Variants in ZEB2 observed in about 807,000 individuals in gnomAD.
ZEB2 encodes zinc finger E-box binding homeobox 2, also known as zinc finger E-box-binding homeobox 2.
ZEB2 carries 6 observed loss-of-function variants against 99.9 expected under a neutral mutation model. The ratio of observed to expected loss-of-function variants is 0.06; its 90% CI spans 0.03 to 0.12. ZEB2 has a LOEUF of 0.12. Among genes scored for constraint, ZEB2 ranks in the 10% least tolerant of loss-of-function variants. ZEB2 has a pLI of 1.00. For missense variants in ZEB2, 969 were observed against 1,502.8 expected, an observed-to-expected ratio of 0.64 and a Z score of 5.87; for synonymous variants, 517 against 542.5, an observed-to-expected ratio of 0.95 and a Z score of 0.65.
In ZEB2 at chr2:144,429,786, G is replaced by A. The variant is rs730881207; in HGVS notation, c.314C>T (p.Ala105Val). 2.5e-6 allele frequency: 4 copies of A among 1,613,726 alleles called. No homozygotes were observed. The highest frequency in any genetic ancestry group is 3.4e-6 in the Non-Finnish European group (4 of 1,179,820). The change falls in exon 3 of 10, where the codon GCC becomes GTC. Residue 105 changes from alanine to valine, a missense_variant. By Grantham distance (64) the Ala-to-Val change is moderately conservative (BLOSUM62 0). Transcript: ENST00000627532. ...ACACTTACCTGGACCATCTACAGAG[G>A]CTTGTAGAATCTCGTTGTTGTGCCA... ...HPWHNNEILQ[A>V]SVDGPEEMKE...
chr2:144,435,026 C>G (rs1031032473), intron 2 of ZEB2, among the ~76,000 whole-genome samples: 2 of 152,170 alleles, frequency 1.3e-5, no homozygotes, highest in Non-Finnish European at 2.9e-5. Flanking sequence ...CATGGAAATG[C>G]AAGGTGATGT....
rs569322620 is a variant in ZEB2, at chr2:144,498,429, T to G, written c.73+18849A>C. 3.3e-5 allele frequency among the ~76,000 whole-genome samples: 5 copies of G among 151,752 alleles called. No homozygotes were observed. In the East Asian group the frequency reaches 9.7e-4, roughly 29 times the overall value. On this transcript the variant is annotated intron_variant, in intron 2 of 9. Transcript: ENST00000627532. ...GCCCCATGTGGTTGCGGATCTTATG[T>G]TCACAGGTCCTGAAGGAAATCCAGG...
rs949925765 is a variant in ZEB2, at chr2:144,486,808, G to A, written c.73+30470C>T. On this transcript the variant is annotated intron_variant, in intron 2 of 9. Transcript: ENST00000627532. ...CATGCAAAACACTGGGAAAAATCAA[G>A]ATTAACAAGCACAAAACTAAACAAA... Among the ~76,000 whole-genome samples the A allele has an allele frequency of 5.0e-4, 76 of 152,086 alleles. 1 individual carries two copies. The highest frequency in any genetic ancestry group is 2.1e-4 in the South Asian group (1 of 4,832).
At chr2:144,468,998 C>CA (rs1422706847) in intron 2 of ZEB2, among the ~76,000 whole-genome samples, 2 of 152,120 alleles carry the variant, frequency 1.3e-5, no homozygotes, top group Non-Finnish European at 2.9e-5. Flanking sequence ...TGAATACTCA[C>CA]AATGTGTCAC....
chr2:144,396,553 G>A lies in ZEB2; in HGVS notation c.2926C>T (p.Leu976=), dbSNP rs546416431. ...LDGAQDYMSG[L]DDMTDSDSCL... Reference sequence around the variant, plus strand: ...GAGTCGGAGTCTGTCATATCATCTAGGCCTGACATGTAGTCTTGTGCTCCA... The same window carrying A: ...GAGTCGGAGTCTGTCATATCATCTAAGCCTGACATGTAGTCTTGTGCTCCA... The change falls in exon 9 of 10, where the codon CTA becomes TTA. Residue 976 remains leucine, a synonymous_variant. Coordinates refer to ENST00000627532, the MANE Select transcript of ZEB2 (RefSeq NM_014795.4). 9.9e-6 allele frequency: 16 copies of A among 1,613,952 alleles called. No homozygotes were observed. The South Asian group carries it at 1.6e-4, about 17-fold the overall frequency.
chr2:144,409,033 T>TAAAGCAGACATACAGAGA (rs1389808973), intron 4 of ZEB2, among the ~76,000 whole-genome samples: 1 of 152,134 alleles, frequency 6.6e-6, no homozygotes, highest in East Asian at 1.9e-4. Context: ...GAAGAGAGAA[T>TAAAGCAGACATACAGAGA]AAAGCAGACA....
At chr2:144,512,394 T>C in intron 2 of ZEB2, 4 of 1,287,232 alleles carry the variant, frequency 3.1e-6, no homozygotes, top group Non-Finnish European at 4.0e-6. Flanking sequence ...ACGCCCTCCT[T>C]TCCTACCTTC....
chr2:144,440,481 AGCAGT>A, intron 2 of ZEB2, among the ~76,000 whole-genome samples: 1 of 129,598 alleles, frequency 7.7e-6, no homozygotes, highest in South Asian at 2.4e-4. Flanking sequence ...AGTACCCAAA[AGCAGT>A]ATATATATAT....
intron 2 of ZEB2, chr2:144,513,956 G>A: frequency 9.2e-6 from 13 of 1,410,066 alleles, no homozygotes; most frequent in South Asian, 2.9e-5. Flanking sequence ...TTGTCTGCGG[G>A]CAACTCGCTT....
chr2:144,510,720 C>CTCTCTT (rs1705022268), intron 2 of ZEB2, among the ~76,000 whole-genome samples: 1 of 150,594 alleles, frequency 6.6e-6, no homozygotes, highest in African/African-American at 2.5e-5. Flanking sequence ...CTCTCTCTTT[C>CTCTCTT]TCTCTCTCTT....
chr2:144,500,832 CAAT>C (rs1475661285), intron 2 of ZEB2, among the ~76,000 whole-genome samples: 1 of 152,094 alleles, frequency 6.6e-6, no homozygotes, highest in Non-Finnish European at 1.5e-5. Context: ...GGTAAAGAAA[CAAT>C]GATGAAAAAT....
intron 2 of ZEB2, among the ~76,000 whole-genome samples, chr2:144,493,397 T>C (rs558369217): frequency 6.6e-6 from 1 of 152,350 alleles, no homozygotes; most frequent in South Asian, 2.1e-4. Flanking sequence ...CTCCCCATTT[T>C]TAAGCATTAA....
chr2:144,393,638 TACATC>T (rs1703182357), intron 9 of ZEB2, among the ~76,000 whole-genome samples: 1 of 152,160 alleles, frequency 6.6e-6, no homozygotes, highest in Non-Finnish European at 1.5e-5. Context: ...AATTTCCACA[TACATC>T]ACATCAATAG....
At chr2:144,448,127 T>C (rs772960387) in intron 2 of ZEB2, among the ~76,000 whole-genome samples, 23 of 152,200 alleles carry the variant, frequency 1.5e-4, no homozygotes, top group Non-Finnish European at 1.0e-4. Flanking sequence ...TGACAGTGAG[T>C]TCCGTATCAT....
At chr2:144,519,752 A>G (rs1208541376) in intron 1 of ZEB2, 187 bp downstream of exon 1, 12 of 347,930 alleles carry the variant, frequency 3.4e-5, no homozygotes, top group Non-Finnish European at 5.6e-6. Flanking sequence ...GAGAAAGCGA[A>G]GAAGCCACTC....
chr2:144,483,125 C>G (rs1704538671), intron 2 of ZEB2, among the ~76,000 whole-genome samples: 1 of 130,518 alleles, frequency 7.7e-6, no homozygotes, highest in Admixed American at 8.5e-5. Flanking sequence ...AAGACACACA[C>G]ACACACACAC....
intron 2 of ZEB2, chr2:144,503,775 T>C (rs914714954): frequency 6.6e-6 from 1 of 152,212 alleles, no homozygotes; most frequent in Admixed American, 6.5e-5. Flanking sequence ...ATCTTAGACA[T>C]CTTAAGGTTT....
Position 144,384,885 on chromosome 2 carries a change from A to G in ZEB2, c.*4566T>C, listed in dbSNP as rs1294716047. Reference sequence around the variant, plus strand: ...CATGTATTTTCTTCATCTTTGTTACACGATGCATATTTCAGTGACTAAAAG... The same window carrying G: ...CATGTATTTTCTTCATCTTTGTTACGCGATGCATATTTCAGTGACTAAAAG... On this transcript the variant is annotated 3_prime_UTR_variant, in exon 10 of 10. Transcript: ENST00000627532. 2.6e-5 allele frequency: 4 copies of G among 152,158 alleles called. No homozygotes were observed. Among genetic ancestry groups the G allele is most frequent in the Non-Finnish European group, 4.4e-5 (3 of 68,016 alleles). The allele number at this position is 152,158 out of a possible 1,614,324, so 9.4% of individuals were successfully genotyped here. A position where few individuals can be genotyped will look rare whatever the true frequency, so the allele number is the denominator to read the frequency against.
At chr2:144,439,405 C>T (rs1369802968) in intron 2 of ZEB2, among the ~76,000 whole-genome samples, 2 of 152,160 alleles carry the variant, frequency 1.3e-5, no homozygotes, top group Admixed American at 6.5e-5. Flanking sequence ...CTCTCAGCCT[C>T]GACACGCGTC....
Sources: allele counts gnomAD v4.1 joint callset (sites outside exome capture counted in the v4.1 genomes callset), GRCh38; gene constraint gnomAD v4.1.1; transcripts MANE v1.5; gene names NCBI Gene and HGNC (gene_info 2026-07-23, HGNC 2026-07-21).